Variants in CSNK2A2IP observed in about 807,000 individuals in gnomAD.
CSNK2A2IP encodes casein kinase II subunit alpha'-interacting protein.
chr3:88,425,367 T>C, the CSNK2A2IP span, among the ~76,000 whole-genome samples: 1 of 152,126 alleles, frequency 6.6e-6, no homozygotes, highest in African/African-American at 2.4e-5. Context: ...TTTTTCCTTT[T>C]CAAAAGTTAA....
At chr3:88,466,789 G>C in the CSNK2A2IP span, 31 of 860,768 alleles carry the variant, frequency 3.6e-5, no homozygotes, top group East Asian at 5.7e-4. Context: ...GGTTTGCTTA[G>C]CTTGTGCTTC....
At chr3:88,411,932 C>T in the CSNK2A2IP span, among the ~76,000 whole-genome samples, 12 of 151,612 alleles carry the variant, frequency 7.9e-5, no homozygotes, top group South Asian at 2.5e-3. Flanking sequence ...TTTCTCTTTA[C>T]TTTTTAAAAT....
chr3:88,405,201 C>T, the CSNK2A2IP span, among the ~76,000 whole-genome samples: 2 of 152,164 alleles, frequency 1.3e-5, no homozygotes, highest in Non-Finnish European at 2.9e-5. Flanking sequence ...TTGCAGTGGT[C>T]TCTATACCTA....
chr3:88,367,889 T>G, the CSNK2A2IP span, among the ~76,000 whole-genome samples: 1 of 152,228 alleles, frequency 6.6e-6, no homozygotes, highest in South Asian at 2.1e-4. Context: ...TTTGGTTTAT[T>G]TTTCAAGAAA....
At chr3:88,402,266 C>T in the CSNK2A2IP span, among the ~76,000 whole-genome samples, 40 of 152,002 alleles carry the variant, frequency 2.6e-4, no homozygotes, top group Admixed American at 7.9e-4. Context: ...AAAATTCTGG[C>T]AGCACCATGT....
At chr3:88,356,310 T>C in the CSNK2A2IP span, among the ~76,000 whole-genome samples, 4 of 149,820 alleles carry the variant, frequency 2.7e-5, no homozygotes, top group East Asian at 7.8e-4. Flanking sequence ...ATGGATTCAA[T>C]TTTTTTTTTA....
chr3:88,397,495 A>G, the CSNK2A2IP span, among the ~76,000 whole-genome samples: 2 of 152,180 alleles, frequency 1.3e-5, no homozygotes, highest in Non-Finnish European at 2.9e-5. Flanking sequence ...TCCCTCATGT[A>G]ACACTACAAA....
the CSNK2A2IP span, among the ~76,000 whole-genome samples, chr3:88,458,141 GTTTTTTTT>G: frequency 1.2e-4 from 10 of 83,304 alleles, no homozygotes; most frequent in African/African-American, 5.4e-4. Context: ...TGTAATTGTG[GTTTTTTTT>G]TTTTTTTTTT....
the CSNK2A2IP span, among the ~76,000 whole-genome samples, chr3:88,451,962 C>T: frequency 6.6e-6 from 1 of 151,938 alleles, no homozygotes; most frequent in Non-Finnish European, 1.5e-5. Context: ...TCTTCCTTGT[C>T]CTGTGCCTTT....
At chr3:88,414,692 G>A in the CSNK2A2IP span, among the ~76,000 whole-genome samples, 1 of 151,862 alleles carries the variant, frequency 6.6e-6, no homozygotes, top group South Asian at 2.1e-4. Flanking sequence ...TCTTGGTGGG[G>A]TGGTGTTGCA....
the CSNK2A2IP span, among the ~76,000 whole-genome samples, chr3:88,351,021 C>T: frequency 1.2e-4 from 18 of 152,172 alleles, no homozygotes; most frequent in African/African-American, 4.3e-4. Flanking sequence ...TAATCCTCAA[C>T]ACAGAATTCT....
chr3:88,434,507 T>C, the CSNK2A2IP span, among the ~76,000 whole-genome samples: 1 of 152,082 alleles, frequency 6.6e-6, no homozygotes, highest in African/African-American at 2.4e-5. Flanking sequence ...ATAGGAAACT[T>C]AGCTAGAAAA....
the CSNK2A2IP span, among the ~76,000 whole-genome samples, chr3:88,421,456 G>T: frequency 6.6e-6 from 1 of 152,164 alleles, no homozygotes; most frequent in Non-Finnish European, 1.5e-5. Context: ...TCACTCTGTT[G>T]CCCAGGCTAG....
the CSNK2A2IP span, among the ~76,000 whole-genome samples, chr3:88,434,295 T>C: frequency 6.6e-6 from 1 of 152,052 alleles, no homozygotes; most frequent in African/African-American, 2.4e-5. Flanking sequence ...TGTATTAGTA[T>C]TTTTCAGTCT....
At chr3:88,367,180 G>T in the CSNK2A2IP span, among the ~76,000 whole-genome samples, 1 of 152,038 alleles carries the variant, frequency 6.6e-6, no homozygotes, top group South Asian at 2.1e-4. Context: ...GCTTGAACCT[G>T]CTCCCTCATT....
the CSNK2A2IP span, chr3:88,382,873 C>A: frequency 6.6e-6 from 1 of 152,086 alleles, no homozygotes; most frequent in South Asian, 2.1e-4. Context: ...CAAATCTAAC[C>A]TTTTTGGGTA....
At chr3:88,455,352 A>G in the CSNK2A2IP span, among the ~76,000 whole-genome samples, 1 of 151,800 alleles carries the variant, frequency 6.6e-6, no homozygotes, top group Admixed American at 6.6e-5. Context: ...TTTTTTCCCC[A>G]CATCCTTGCC....
At chr3:88,360,540 C>T in the CSNK2A2IP span, among the ~76,000 whole-genome samples, 1 of 151,882 alleles carries the variant, frequency 6.6e-6, no homozygotes, top group African/African-American at 2.4e-5. Flanking sequence ...TTTTAATTTT[C>T]AGTTTATGCA....
At chr3:88,433,616 TA>T in the CSNK2A2IP span, among the ~76,000 whole-genome samples, 4 of 152,186 alleles carry the variant, frequency 2.6e-5, no homozygotes, top group Non-Finnish European at 5.9e-5. Flanking sequence ...GAGCAGGAAA[TA>T]AATTTATTGA....
Sources: allele counts gnomAD v4.1 joint callset (sites outside exome capture counted in the v4.1 genomes callset), GRCh38; gene constraint gnomAD v4.1.1; transcripts MANE v1.5; gene names NCBI Gene and HGNC (gene_info 2026-07-23, HGNC 2026-07-21).